Variants in DNAH7 observed in about 807,000 individuals in gnomAD.
DNAH7 encodes axonemal beta dynein heavy chain 7.
Under a neutral mutation model 444.6 loss-of-function variants are expected in DNAH7, and 397 were observed. The observed-to-expected ratio is 0.89, with a 90% CI of 0.82 to 0.97. The LOEUF is 0.97. Ranked by LOEUF, DNAH7 falls within the 50% of genes least tolerant of loss-of-function variation. DNAH7 has a pLI of 0.00. For missense variants in DNAH7, 4,902 were observed against 4,800.8 expected (o/e 1.02, Z -0.62); for synonymous variants, 1,636 against 1,624.4 (o/e 1.01, Z -0.17).
Position 195,987,962 on chromosome 2 carries a change from T to G in DNAH7, c.1621A>C (p.Ile541Leu). 6.3e-7 allele frequency: 1 copy of G among 1,599,096 alleles called. No homozygotes were observed. ...KLIEEIQYTS[I>L]KTIRLGMFEM... ...ACAAAACTGGAGTCATTTACCTTTA[T>G]GGATGTGTACTGTATTTCCTCTATT... The change falls in exon 13 of 65, where the codon ATA becomes CTA. Residue 541 changes from isoleucine (I) to leucine (L), a missense_variant. Transcript: ENST00000312428.
intron 7 of DNAH7, among the ~76,000 whole-genome samples, chr2:196,026,444 A>G (rs563212563): frequency 6.6e-6 from 1 of 152,338 alleles, no homozygotes; most frequent in South Asian, 2.1e-4. Context: ...GGGAGAGACT[A>G]TCTCCTAAAT....
rs750195688 is a variant in DNAH7, at chr2:195,775,951, C to T, written c.11097G>A (p.Leu3699=). Residue 3699 remains leucine, a synonymous_variant, in exon 60 of 65, where the codon CTG becomes CTA. Transcript: ENST00000312428. ...AGATTTCTGGTGCTGGGGTCAGTGG[C>T]AGAGTCTTTGTGTATTCGATGTAGC... ...HKSYIEYTKT[L]PLTPAPEIFG... is the part of the protein sequence containing the mutation. 6.2e-7 allele frequency: 1 copy of T among 1,614,118 alleles called. No individual in the cohort carries two copies. The highest frequency in any genetic ancestry group is 1.7e-4 in the Middle Eastern group (1 of 6,042).
intron 34 of DNAH7, 29 bp downstream of exon 34, chr2:195,886,112 A>G: frequency 1.3e-6 from 2 of 1,595,586 alleles, no homozygotes; most frequent in Non-Finnish European, 1.7e-6. Flanking sequence ...GTCTTTCTGT[A>G]GCAGGATACA....
Position 195,988,569 on chromosome 2 carries a change from T to C in DNAH7, c.1354-340A>G, listed in dbSNP as rs77558383. Among the ~76,000 whole-genome samples, 79 of 152,248 alleles carry C rather than the reference T, an allele frequency of 5.2e-4. 1 individual carries two copies. The East Asian group carries it at 0.013, about 24-fold the overall frequency. ...AAATTTTATTTTTAATTCACATAAT[T>C]ATACATATTTATGGAATACAATGTG... On this transcript the variant is annotated intron_variant, in intron 12 of 64. Coordinates refer to ENST00000312428, the MANE Select transcript of DNAH7 (RefSeq NM_018897.3).
chr2:195,816,547 G>T, intron 51 of DNAH7, 81 bp downstream of exon 51: 1 of 1,058,794 alleles, frequency 9.4e-7, no homozygotes, highest in Non-Finnish European at 1.4e-6. Flanking sequence ...GTACCACTCT[G>T]AGACAACAAT....
chr2:195,854,636 C>T (rs1281107472), intron 45 of DNAH7, among the ~76,000 whole-genome samples: 1 of 152,086 alleles, frequency 6.6e-6, no homozygotes, highest in Non-Finnish European at 1.5e-5. Context: ...AGGTCTTGGA[C>T]TATGGCAAAG....
intron 15 of DNAH7, among the ~76,000 whole-genome samples, chr2:195,976,786 A>AGAGAGAGAGACT (rs1243336641): frequency 6.8e-6 from 1 of 147,410 alleles, no homozygotes; most frequent in Non-Finnish European, 1.5e-5. Context: ...AGAGAGAGAG[A>AGAGAGAGAGACT]GACTCTCTAA....
intron 24 of DNAH7, among the ~76,000 whole-genome samples, chr2:195,920,458 G>A (rs937539650): frequency 6.6e-6 from 1 of 152,086 alleles, no homozygotes; most frequent in African/African-American, 2.4e-5. Context: ...CAACAAAAAC[G>A]TAAAGTGGGG....
rs754069343 is a variant in DNAH7 at position 195,875,681 on chromosome 2, G to A, written c.6280C>T (p.Pro2094Ser). ...VDIQIMCAMG[P>S]PGGGRNPVTP... ...ACAAACTCAAAAAATGTACCTGGAG[G>A]TCCCATAGCACACATGATCTGAATG... Residue 2094 changes from proline to serine, a missense_variant, in exon 38 of 65, where the codon CCT becomes TCT. By Grantham distance (74) the Pro-to-Ser change is moderately conservative. Transcript: ENST00000312428. 7.0e-6 allele frequency: 11 copies of A among 1,566,348 alleles called. No homozygotes were observed. Among genetic ancestry groups the A allele is most frequent in the South Asian group, 2.4e-5 (2 of 83,620 alleles).
At chr2:196,022,041 C>T (rs1695413016) in intron 8 of DNAH7, among the ~76,000 whole-genome samples, 2 of 152,046 alleles carry the variant, frequency 1.3e-5, no homozygotes, top group African/African-American at 2.4e-5. Flanking sequence ...GCAGGAGAAT[C>T]GCTTGAAACC....
At chr2:195,936,490 G>GA (rs1163283433) in intron 20 of DNAH7, 109 bp downstream of exon 20, 6 of 673,660 alleles carry the variant, frequency 8.9e-6, no homozygotes, top group South Asian at 4.2e-5. Context: ...CATTCTTGTA[G>GA]AAAAAATATT....
intron 44 of DNAH7, among the ~76,000 whole-genome samples, chr2:195,856,796 C>T (rs977303193): frequency 1.3e-5 from 2 of 152,164 alleles, no homozygotes; most frequent in South Asian, 2.1e-4. Flanking sequence ...GAGGTCTTCC[C>T]TCGTCCAACT....
At chr2:196,038,792 G>A (rs1379587834) in intron 5 of DNAH7, among the ~76,000 whole-genome samples, 4 of 152,006 alleles carry the variant, frequency 2.6e-5, no homozygotes, top group African/African-American at 9.7e-5. Context: ...AGATAAAGGA[G>A]GTCATTATAT....
chr2:196,057,442 T>C (rs1287003827), intron 2 of DNAH7, among the ~76,000 whole-genome samples: 1 of 152,168 alleles, frequency 6.6e-6, no homozygotes, highest in Non-Finnish European at 1.5e-5. Context: ...TCATTTCAGG[T>C]TTACTTATAA....
intron 44 of DNAH7, 112 bp downstream of exon 44, chr2:195,857,265 C>T: frequency 1.1e-6 from 1 of 930,160 alleles, no homozygotes; most frequent in Non-Finnish European, 1.6e-6. Context: ...CAAATTCAGA[C>T]AGGATTTTCC....
At chr2:195,985,730 G>A (rs184088264) in intron 14 of DNAH7, among the ~76,000 whole-genome samples, 1 of 152,252 alleles carries the variant, frequency 6.6e-6, no homozygotes, top group East Asian at 1.9e-4. Flanking sequence ...TAAGAGGCAG[G>A]GGAAGTAGCT....
In DNAH7 at chr2:195,906,642, A is replaced by C; in HGVS notation, c.4335+17T>G. 3 of 1,605,576 alleles carry C rather than the reference A, an allele frequency of 1.9e-6. No individual in the cohort carries two copies. The highest frequency in any genetic ancestry group is 2.2e-5 in the South Asian group (2 of 89,724). On this transcript the variant is annotated intron_variant, in intron 27 of 64. Coordinates refer to ENST00000312428, the MANE Select transcript of DNAH7 (RefSeq NM_018897.3). The stretch of plus-strand genomic sequence containing the variant: ...ATTATAGAGAAGAAATAGATTATAT[A>C]ATAACTCCTTCCATACCTTCAGGTT...
chr2:195,813,729 T>C (rs1179541087), intron 51 of DNAH7, among the ~76,000 whole-genome samples: 1 of 152,244 alleles, frequency 6.6e-6, no homozygotes, highest in South Asian at 2.1e-4. Flanking sequence ...TCTCTGATTA[T>C]GTGTCATGTT....
At chr2:195,989,965 CTCTT>C (rs1369301804) in intron 12 of DNAH7, among the ~76,000 whole-genome samples, 1 of 152,186 alleles carries the variant, frequency 6.6e-6, no homozygotes, top group African/African-American at 2.4e-5. Flanking sequence ...TCTCAGGTAT[CTCTT>C]TATAGCGATA....
Sources: allele counts gnomAD v4.1 joint callset (sites outside exome capture counted in the v4.1 genomes callset), GRCh38; gene constraint gnomAD v4.1.1; transcripts MANE v1.5; gene names NCBI Gene and HGNC (gene_info 2026-07-23, HGNC 2026-07-21).